Variants in HECW1 observed in about 807,000 individuals in gnomAD.
HECW1 encodes the protein E3 ubiquitin-protein ligase HECW1.
A neutral mutation model predicts 182.3 loss-of-function variants in HECW1; 61 were observed. The ratio of observed to expected loss-of-function variants is 0.33; its 90% confidence interval spans 0.27 to 0.41. The LOEUF is 0.41. Among genes scored for constraint, HECW1 ranks in the 10% least tolerant of loss-of-function variants. The pLI is 1.00. For missense variants in HECW1, 1,739 were observed against 2,108.9 expected, an observed-to-expected ratio of 0.82 and a Z score of 3.44; for synonymous variants, 859 against 832.6, an observed-to-expected ratio of 1.03 and a Z score of -0.55.
chr7:43,517,514 G>C (rs1161238658), intron 24 of HECW1, among the ~76,000 whole-genome samples: 2 of 152,144 alleles, frequency 1.3e-5, no homozygotes, highest in Admixed American at 1.3e-4. Context: ...TAATTGTAGA[G>C]TTTTATGGAA....
intron 23 of HECW1, among the ~76,000 whole-genome samples, chr7:43,508,451 T>C (rs1192097563): frequency 6.6e-6 from 1 of 152,224 alleles, no homozygotes; most frequent in East Asian, 1.9e-4. Flanking sequence ...TTAAAGTGCA[T>C]GTATACAACT....
At chr7:43,152,261 ATACAAG>A (rs1789415794) in intron 2 of HECW1, among the ~76,000 whole-genome samples, 1 of 152,250 alleles carries the variant, frequency 6.6e-6, no homozygotes, top group South Asian at 2.1e-4. Context: ...TACAGAACAA[ATACAAG>A]TGAAAGATAG....
intron 6 of HECW1, among the ~76,000 whole-genome samples, chr7:43,365,351 T>C (rs1026628734): frequency 6.6e-6 from 1 of 152,230 alleles, no homozygotes; most frequent in Admixed American, 6.5e-5. Context: ...GGCCTGGGAC[T>C]GCGGCCTCCA....
chr7:43,116,215 G>T (rs1483462333), intron 2 of HECW1, among the ~76,000 whole-genome samples: 1 of 152,098 alleles, frequency 6.6e-6, no homozygotes, highest in Admixed American at 6.5e-5. Context: ...AAATGCTGTA[G>T]GTTTTGGTTA....
intron 2 of HECW1, among the ~76,000 whole-genome samples, chr7:43,159,138 A>G (rs1790218180): frequency 6.9e-6 from 1 of 145,926 alleles, no homozygotes; most frequent in South Asian, 2.1e-4. Context: ...TATTTATTTT[A>G]AAGAGGAATT....
intron 2 of HECW1, among the ~76,000 whole-genome samples, chr7:43,169,721 C>A (rs534041600): frequency 7.4e-6 from 1 of 135,656 alleles, no homozygotes; most frequent in Non-Finnish European, 1.5e-5. Flanking sequence ...GACGGAGTCT[C>A]GCTGTCGCCC....
Position 43,250,685 on chromosome 7 carries a change from C to T in HECW1, c.27+6753C>T, listed in dbSNP as rs1052403515. Among the ~76,000 whole-genome samples, 38 of 152,152 alleles carry T rather than the reference C, an allele frequency of 2.5e-4. 2 individuals carry two copies. The highest frequency in any genetic ancestry group is 1.5e-5 in the Non-Finnish European group (1 of 68,030). ...TCTCTGAACTTGCGTAAAAAAATAG[C>T]CCAGAGGTCACCAACTCATGCTCCC... is the stretch of plus-strand genomic sequence containing the variant. On this transcript the variant is annotated intron_variant, in intron 3 of 29. Coordinates refer to ENST00000395891, the MANE Select transcript of HECW1 (RefSeq NM_015052.5).
chr7:43,507,344 G>A (rs2079626299), intron 22 of HECW1, 87 bp downstream of exon 22: 1 of 1,317,260 alleles, frequency 7.6e-7, no homozygotes, highest in East Asian at 2.5e-5. Flanking sequence ...TTGTTTTTGA[G>A]ACTGGCTACT....
chr7:43,288,854 C>A (rs1414657450), intron 3 of HECW1, among the ~76,000 whole-genome samples: 1 of 152,198 alleles, frequency 6.6e-6, no homozygotes, highest in African/African-American at 2.4e-5. Flanking sequence ...AAGACAAATT[C>A]TTCTGCTGAC....
intron 8 of HECW1, among the ~76,000 whole-genome samples, chr7:43,422,927 C>CGGAGAGT (rs1554407783): frequency 1.8e-4 from 28 of 151,508 alleles, no homozygotes; most frequent in African/African-American, 6.8e-4. Context: ...CAGTGCCTGG[C>CGGAGAGT]CGAGAGTCGT....
At chr7:43,184,620 AC>A (rs1328384596) in intron 2 of HECW1, among the ~76,000 whole-genome samples, 1 of 152,168 alleles carries the variant, frequency 6.6e-6, no homozygotes, top group Non-Finnish European at 1.5e-5. Flanking sequence ...TTACCCCTCA[AC>A]TTCTGGGGAG....
chr7:43,278,011 C>T (rs988945426), intron 3 of HECW1, among the ~76,000 whole-genome samples: 5 of 152,108 alleles, frequency 3.3e-5, no homozygotes, highest in African/African-American at 1.2e-4. Context: ...ACCTGGCCCT[C>T]TCCTGCTATC....
chr7:43,431,315 A>G (rs2076541937), intron 8 of HECW1, among the ~76,000 whole-genome samples: 1 of 152,036 alleles, frequency 6.6e-6, no homozygotes, highest in South Asian at 2.1e-4. Flanking sequence ...CTGTTCCTTC[A>G]TTGCTTTGGG....
At chr7:43,431,469 C>T (rs1242376438) in intron 8 of HECW1, among the ~76,000 whole-genome samples, 6 of 152,150 alleles carry the variant, frequency 3.9e-5, no homozygotes, top group African/African-American at 1.4e-4. Flanking sequence ...AACCAGTCCA[C>T]ACTCTGCCAC....
intron 6 of HECW1, among the ~76,000 whole-genome samples, chr7:43,368,427 T>G (rs1229817877): frequency 6.6e-6 from 1 of 152,220 alleles, no homozygotes; most frequent in Admixed American, 6.5e-5. Context: ...ATGTGTCTCC[T>G]GCAAAAGTCC....
chr7:43,287,885 C>T (rs1370312494), intron 3 of HECW1, among the ~76,000 whole-genome samples: 1 of 152,146 alleles, frequency 6.6e-6, no homozygotes, highest in Non-Finnish European at 1.5e-5. Context: ...ATTAAGGATG[C>T]CTCTAGGTGT....
At chr7:43,159,970 C>T (rs1293902510) in intron 2 of HECW1, among the ~76,000 whole-genome samples, 11 of 152,176 alleles carry the variant, frequency 7.2e-5, no homozygotes, top group African/African-American at 1.2e-4. Flanking sequence ...TGAGCCACCG[C>T]GCCCAGCTGT....
At chr7:43,497,828 G>A (rs1361585842) in intron 19 of HECW1, among the ~76,000 whole-genome samples, 2 of 152,186 alleles carry the variant, frequency 1.3e-5, no homozygotes, top group Non-Finnish European at 1.5e-5. Flanking sequence ...ATCATTTACT[G>A]AGATGGGAAA....
rs116776274 is a variant in HECW1, at chr7:43,409,624, C to T, written c.801+1893C>T. On this transcript the variant is annotated intron_variant, in intron 8 of 29. Transcript: ENST00000395891. ...CTGGCAAACTCTCCCCAGCCCTCTG[C>T]TCTGGGCCACCTCCCTTCCATCCCA... Among the ~76,000 whole-genome samples, 927 of 152,328 alleles carry T rather than the reference C, an allele frequency of 6.1e-3. 10 individuals carry two copies. Among genetic ancestry groups the T allele is most frequent in the African/African-American group, 0.021 (879 of 41,570 alleles).
Sources: gnomAD v4.1 joint callset for allele counts (sites outside exome capture counted in the v4.1 genomes callset) on GRCh38, gnomAD v4.1.1 for gene constraint, MANE v1.5 for transcripts, NCBI Gene and HGNC (gene_info 2026-07-23, HGNC 2026-07-21) for gene names.